Variants in IMMP2L observed in about 807,000 individuals in gnomAD.
The protein encoded by IMMP2L is mitochondrial inner membrane protease subunit 2.
Under a neutral mutation model 19.3 loss-of-function variants are expected in IMMP2L, and 18 were observed. That is an observed-to-expected ratio of 0.93 (90% CI 0.64 to 1.38). IMMP2L has a LOEUF of 1.38. IMMP2L is among the 40% of genes most tolerant of loss of function. The pLI is 0.00. For missense variants in IMMP2L, 233 were observed against 218.2 expected (o/e 1.07, Z -0.43); for synonymous variants, 76 against 73.0 (o/e 1.04, Z -0.21).
chr7:111,494,313 C>T (rs1402262496), intron 2 of IMMP2L, among the ~76,000 whole-genome samples: 4 of 151,996 alleles, frequency 2.6e-5, no homozygotes, highest in Non-Finnish European at 5.9e-5. Context: ...AAAACACTAA[C>T]AAAGAACAAA....
rs1809148477 is a variant in IMMP2L, at chr7:110,877,032, G to C, written c.408+9561C>G. ...GCAGATAATAAATATTTTAGGATTT[G>C]TGGGATATAAGTCTCTCTTGCAAGT... On this transcript the variant is annotated intron_variant, in intron 5 of 5. Transcript: ENST00000405709. This position sits in a 1 kb window ranked among gnomAD's most constrained non-coding sequence, Gnocchi z 4.0. 6.6e-6 allele frequency among the ~76,000 whole-genome samples: 1 copy of C among 152,174 alleles called. No individual in the cohort carries two copies. The highest frequency in any genetic ancestry group is 1.5e-5 in the Non-Finnish European group (1 of 68,030).
intron 3 of IMMP2L, chr7:111,392,783 C>A (rs1388223640): frequency 8.8e-6 from 4 of 456,362 alleles, no homozygotes; most frequent in Non-Finnish European, 1.8e-5. Flanking sequence ...CATAAAACTC[C>A]AAAAAACACT....
At chr7:111,254,034 C>T (rs1816436509) in intron 3 of IMMP2L, among the ~76,000 whole-genome samples, 1 of 152,154 alleles carries the variant, frequency 6.6e-6, no homozygotes, top group Admixed American at 6.6e-5. Flanking sequence ...AGTGCAAGGC[C>T]ATTTAAAACC....
At chr7:111,023,036 T>C (rs183087858) in intron 3 of IMMP2L, among the ~76,000 whole-genome samples, 2 of 152,168 alleles carry the variant, frequency 1.3e-5, no homozygotes, top group African/African-American at 4.8e-5. Context: ...AAAGAAGTCA[T>C]ACATAATGTA....
intron 5 of IMMP2L, among the ~76,000 whole-genome samples, chr7:110,764,215 A>T (rs923608339): frequency 1.3e-5 from 2 of 152,124 alleles, no homozygotes; most frequent in African/African-American, 4.8e-5. Flanking sequence ...CCACCTACTG[A>T]CAATGCCAAC....
intron 3 of IMMP2L, among the ~76,000 whole-genome samples, chr7:111,065,734 A>G (rs1794428071): frequency 6.6e-6 from 1 of 152,170 alleles, no homozygotes; most frequent in Admixed American, 6.5e-5. Context: ...CTGTTCTCGA[A>G]CATTGGACTC....
intron 2 of IMMP2L, among the ~76,000 whole-genome samples, chr7:111,498,554 T>C (rs995213566): frequency 6.6e-6 from 1 of 151,368 alleles, no homozygotes; most frequent in East Asian, 1.9e-4. Flanking sequence ...TAGTAAGGTG[T>C]GTAGCACAGA....
intron 3 of IMMP2L, among the ~76,000 whole-genome samples, chr7:111,080,389 T>C (rs1479542190): frequency 1.3e-5 from 2 of 151,690 alleles, no homozygotes; most frequent in Non-Finnish European, 2.9e-5. Context: ...CCAATATATA[T>C]ATGTAAACAT....
chr7:111,272,347 G>C (rs1290331314), intron 3 of IMMP2L, among the ~76,000 whole-genome samples: 1 of 152,026 alleles, frequency 6.6e-6, no homozygotes, highest in Non-Finnish European at 1.5e-5. Context: ...TTGGATCTCA[G>C]CTTAAATGGC....
intron 1 of IMMP2L, among the ~76,000 whole-genome samples, chr7:111,523,974 T>C (rs1243503674): frequency 6.6e-6 from 1 of 152,096 alleles, no homozygotes; most frequent in Non-Finnish European, 1.5e-5. Flanking sequence ...ATTTTATATA[T>C]CTCTACAAAA....
chr7:111,320,826 A>T (rs1824608078), intron 3 of IMMP2L, among the ~76,000 whole-genome samples: 1 of 151,992 alleles, frequency 6.6e-6, no homozygotes, highest in Non-Finnish European at 1.5e-5. Flanking sequence ...GCTTATAGTT[A>T]TCATACCATA....
At chr7:111,536,353 G>A (rs893761308) in intron 1 of IMMP2L, among the ~76,000 whole-genome samples, 6 of 151,624 alleles carry the variant, frequency 4.0e-5, no homozygotes, top group Admixed American at 1.3e-4. Flanking sequence ...TGTTGCCCAC[G>A]CTGGAGTGCA....
In IMMP2L at chr7:111,277,596, A is replaced by G. The variant is rs141905751; in HGVS notation, c.239+209642T>C. 6.8e-4 allele frequency among the ~76,000 whole-genome samples: 103 copies of G among 151,748 alleles called. No homozygotes were observed. The East Asian group carries it at 0.019, about 28-fold the overall frequency. On this transcript the variant is annotated intron_variant, in intron 3 of 5. Coordinates refer to ENST00000405709, the MANE Select transcript of IMMP2L (RefSeq NM_032549.4). ...AAAAAAAAAAAAAAGTCTGAAAACA[A>G]CAGATGTTGGCAAAGATGCAGCAGA...
At chr7:111,406,995 C>T (rs537841319) in intron 3 of IMMP2L, among the ~76,000 whole-genome samples, 15 of 152,032 alleles carry the variant, frequency 9.9e-5, no homozygotes, top group Non-Finnish European at 1.5e-4. Flanking sequence ...GTCTTTGAGC[C>T]GACATATACA....
chr7:110,725,762 G>C (rs1304465369), intron 5 of IMMP2L: 1 of 152,200 alleles, frequency 6.6e-6, no homozygotes. Flanking sequence ...CCATGGATTA[G>C]AGGCTGGTTT....
At chr7:111,169,676 A>G (rs1388381430) in intron 3 of IMMP2L, among the ~76,000 whole-genome samples, 1 of 151,902 alleles carries the variant, frequency 6.6e-6, no homozygotes, top group Admixed American at 6.6e-5. Context: ...ACACAGTCAT[A>G]CTAAATTAGA....
At chr7:111,391,038 T>C (rs37674) in intron 3 of IMMP2L, among the ~76,000 whole-genome samples, 14,081 of 152,198 alleles carry the variant, frequency 0.093, 779 homozygotes, top group African/African-American at 0.14. Flanking sequence ...TTACACTTAT[T>C]TGAAAGCCTA....
chr7:111,338,654 C>G (rs528628972), intron 3 of IMMP2L, among the ~76,000 whole-genome samples: 1 of 152,188 alleles, frequency 6.6e-6, no homozygotes, highest in East Asian at 1.9e-4. Flanking sequence ...ATCATTTAGC[C>G]AGACACTGTA....
chr7:111,116,589 A>G (rs145068797), intron 3 of IMMP2L, among the ~76,000 whole-genome samples: 5 of 152,312 alleles, frequency 3.3e-5, no homozygotes, highest in African/African-American at 9.6e-5. Flanking sequence ...TTAACAATCA[A>G]CTTGAAAACA....
Sources: allele counts gnomAD v4.1 joint callset (sites outside exome capture counted in the v4.1 genomes callset), GRCh38; gene constraint gnomAD v4.1.1; non-coding constraint Gnocchi (gnomAD v3.1); transcripts MANE v1.5; gene names NCBI Gene and HGNC (gene_info 2026-07-23, HGNC 2026-07-21).